Variants in FKBP9 observed in about 807,000 individuals in gnomAD.
The protein encoded by FKBP9 is FKBP prolyl isomerase 9, also known as peptidyl-prolyl cis-trans isomerase FKBP9.
Under a neutral mutation model 55.6 loss-of-function variants are expected in FKBP9, and 27 were observed. The ratio of observed to expected loss-of-function variants is 0.49; its 90% confidence interval spans 0.36 to 0.67. FKBP9 has a LOEUF of 0.67. FKBP9 is among the 30% of genes least tolerant of loss of function. The probability of loss-of-function intolerance (pLI) is 0.00; values close to 1 mark genes in which losing one functional copy is unlikely to be tolerated. For missense variants in FKBP9, 539 were observed against 742.8 expected (o/e 0.73, Z 3.19); for synonymous variants, 267 against 296.5 (o/e 0.90, Z 1.02).
At chr7:32,983,361 C>A (rs550605629) in intron 5 of FKBP9, among the ~76,000 whole-genome samples, 220 of 149,730 alleles carry the variant, frequency 1.5e-3, no homozygotes, top group African/African-American at 5.1e-3. Context: ...GTCACCCAGG[C>A]TGGAATGCAG....
chr7:32,995,632 C>G (rs1784769929), intron 6 of FKBP9, among the ~76,000 whole-genome samples: 1 of 152,106 alleles, frequency 6.6e-6, no homozygotes, highest in African/African-American at 2.4e-5. Context: ...CTAAAAGCAC[C>G]TTGTGACTGT....
chr7:32,963,798 T>C (rs1784076502), intron 1 of FKBP9: 2 of 1,247,040 alleles, frequency 1.6e-6, no homozygotes, highest in Non-Finnish European at 2.0e-6. Context: ...GCTGCACACA[T>C]GACCTCTGGG....
chr7:32,979,458 T>A, intron 4 of FKBP9: 1 of 1,461,046 alleles, frequency 6.8e-7, no homozygotes, highest in Non-Finnish European at 9.4e-7. Context: ...GCAGATTTCA[T>A]CATTCCTTGG....
At chr7:32,970,104 A>G (rs562465960) in intron 1 of FKBP9, among the ~76,000 whole-genome samples, 1 of 151,930 alleles carries the variant, frequency 6.6e-6, no homozygotes, top group Non-Finnish European at 1.5e-5. Context: ...GAATCAATAG[A>G]TTGCTTTGGT....
At chr7:33,004,990 T>G (rs1785005277) in intron 9 of FKBP9, among the ~76,000 whole-genome samples, 185 bp from the exon 10 acceptor site, 1 of 152,084 alleles carries the variant, frequency 6.6e-6, no homozygotes, top group South Asian at 2.1e-4. Flanking sequence ...GTTTTTCACC[T>G]GCATTTAGAG....
intron 8 of FKBP9, chr7:33,001,829 T>C (rs1299198974): frequency 6.6e-6 from 1 of 152,176 alleles, no homozygotes; most frequent in Admixed American, 6.5e-5. Context: ...CATTGTATTG[T>C]AGTCTCTACA....
chr7:32,958,543 C>A (rs1211101719), intron 1 of FKBP9, among the ~76,000 whole-genome samples: 1 of 152,240 alleles, frequency 6.6e-6, no homozygotes, highest in African/African-American at 2.4e-5. Flanking sequence ...CGCCTGTAGT[C>A]CCAGCACTTT....
Position 33,002,774 on chromosome 7 carries a change from G to A in FKBP9, c.1471G>A (p.Glu491Lys). 1 of 1,614,234 alleles carries A rather than the reference G, an allele frequency of 6.2e-7. No individual in the cohort carries two copies. The highest frequency in any genetic ancestry group is 8.5e-7 in the Non-Finnish European group (1 of 1,180,038). Residue 491 changes from glutamate (E) to lysine (K), a missense_variant, in exon 9 of 10, where the codon GAG (glutamate) becomes AAG (lysine). By Grantham distance (56) the Glu-to-Lys change is moderately conservative (BLOSUM62 1). Transcript: ENST00000242209. ...GGGGTACATGTTCATATGGAATGGT[G>A]AGGTGTCACCCAACCTCTTTGAAGA... ...PEGYMFIWNG[E>K]VSPNLFEEID...
chr7:32,975,506 T>A (rs1416363711), intron 3 of FKBP9, 135 bp downstream of exon 3: 1 of 696,024 alleles, frequency 1.4e-6, no homozygotes, highest in Non-Finnish European at 2.4e-6. Context: ...ACTGAACTCA[T>A]CTACTTAAGA....
At chr7:32,987,672 C>T (rs1282565360) in intron 5 of FKBP9, among the ~76,000 whole-genome samples, 1 of 152,128 alleles carries the variant, frequency 6.6e-6, no homozygotes, top group Non-Finnish European at 1.5e-5. Context: ...CTCATTCTGT[C>T]ACCCAGGCTG....
Position 32,996,161 on chromosome 7 carries a change from A to C in FKBP9, c.1040-2A>C. The C allele has an allele frequency of 6.2e-7, 1 of 1,613,932 alleles. No homozygotes were observed. The highest frequency in any genetic ancestry group is 2.2e-5 in the East Asian group (1 of 44,884). On this transcript the variant is annotated splice_acceptor_variant, in intron 6 of 9. Transcript: ENST00000242209. LOFTEE classifies it high-confidence loss of function. ...CATTAATTCCCCGTGTCTGTCCTTT[A>C]GGGAATATCCCCGGCTCGGCTGTGC...
intron 1 of FKBP9, among the ~76,000 whole-genome samples, chr7:32,968,083 G>A (rs1784182045): frequency 6.6e-6 from 1 of 152,136 alleles, no homozygotes; most frequent in Non-Finnish European, 1.5e-5. Flanking sequence ...CTGTTGCCCA[G>A]GGTCGAGTGC....
rs1319058893 is a variant in FKBP9, at chr7:32,999,148, T to C, written c.1227-967T>C. Among the ~76,000 whole-genome samples, 8 of 152,166 alleles carry C rather than the reference T, an allele frequency of 5.3e-5. No homozygotes were observed. The East Asian group carries it at 1.4e-3, about 26-fold the overall frequency. ...CTCCCAGGTGGGAAAACACAAACCC[T>C]GTCTTGGTTTGCTGGTAATCAGCTG... On this transcript the variant is annotated intron_variant, in intron 7 of 9. Coordinates refer to ENST00000242209, the MANE Select transcript of FKBP9 (RefSeq NM_007270.5).
chr7:33,002,374 C>A (rs180713297), intron 8 of FKBP9, among the ~76,000 whole-genome samples: 1,983 of 152,270 alleles, frequency 0.013, 22 homozygotes, highest in Non-Finnish European at 0.021. Flanking sequence ...CTCAAGTGAT[C>A]CGCCCGAGTC....
chr7:32,967,178 C>G (rs572559238), intron 1 of FKBP9, among the ~76,000 whole-genome samples: 86 of 152,266 alleles, frequency 5.6e-4, no homozygotes, highest in Middle Eastern at 3.4e-3. Flanking sequence ...GAGGTACTAT[C>G]CCTTGTGTTT....
chr7:32,990,591 C>T (rs1784661317), intron 6 of FKBP9, among the ~76,000 whole-genome samples: 1 of 152,184 alleles, frequency 6.6e-6, no homozygotes, highest in Non-Finnish European at 1.5e-5. Flanking sequence ...CTAATCAATA[C>T]GGACAAACAT....
At chr7:32,965,405 A>G (rs1473152857) in intron 1 of FKBP9, among the ~76,000 whole-genome samples, 1 of 152,088 alleles carries the variant, frequency 6.6e-6, no homozygotes, top group East Asian at 1.9e-4. Context: ...TGCTGGGATT[A>G]CCGCTTGAGC....
At chr7:33,003,309 C>A (rs1453818563) in intron 9 of FKBP9, among the ~76,000 whole-genome samples, 1 of 152,180 alleles carries the variant, frequency 6.6e-6, no homozygotes, top group Non-Finnish European at 1.5e-5. Context: ...CTGGGGAATT[C>A]CAGCTCCCTG....
At chr7:32,973,825 G>C (rs1784303832) in intron 1 of FKBP9, among the ~76,000 whole-genome samples, 1 of 50,020 alleles carries the variant, frequency 2.0e-5, no homozygotes, top group Non-Finnish European at 4.3e-5. Flanking sequence ...CGAGTAGCTG[G>C]GATTACAGGC....
Sources: allele counts gnomAD v4.1 joint callset (sites outside exome capture counted in the v4.1 genomes callset), GRCh38; gene constraint gnomAD v4.1.1; transcripts MANE v1.5; gene names NCBI Gene and HGNC (gene_info 2026-07-23, HGNC 2026-07-21).